The following ZNF208 variants were observed in gnomAD, a reference collection of about 807,000 sequenced individuals.
ZNF208 encodes zinc finger protein 95.
A neutral mutation model predicts 12.1 loss-of-function variants in ZNF208; 10 were observed. The ratio of observed to expected loss-of-function variants is 0.83; its 90% CI spans 0.51 to 1.40. The LOEUF (loss-of-function observed/expected upper bound fraction) is 1.40, where lower values mean the gene tolerates loss of function less well. Among genes scored for constraint, ZNF208 ranks in the 40% most tolerant of loss-of-function variants. The pLI, the probability that ZNF208 is intolerant of heterozygous loss-of-function variation, is 0.00. For missense variants in ZNF208, 1,652 were observed against 1,485.0 expected, an observed-to-expected ratio of 1.11 and a Z score of -1.85; for synonymous variants, 497 against 488.4, an observed-to-expected ratio of 1.02 and a Z score of -0.23.
At chr19:21,953,978 A>T (rs576060974) in intron 4 of ZNF208, among the ~76,000 whole-genome samples, 9 of 152,336 alleles carry the variant, frequency 5.9e-5, no homozygotes, top group Admixed American at 5.9e-4. Flanking sequence ...ATTTAGTGCT[A>T]TAAATTTCCC....
At chr19:21,980,274 T>A (rs1320803666) in intron 3 of ZNF208, among the ~76,000 whole-genome samples, 1 of 135,412 alleles carries the variant, frequency 7.4e-6, no homozygotes, top group East Asian at 2.3e-4. Flanking sequence ...GAATATACAT[T>A]CTTCTCGGCA....
At position 21,973,158 on chromosome 19, in the gene ZNF208, T is replaced by G; in HGVS notation, c.1876A>C (p.Thr626Pro). Residue 626 changes from threonine (T) to proline (P), a missense_variant, in exon 4 of 4, where the codon ACA becomes CCA. Thr to Pro is a conservative substitution (Grantham distance 38). Transcript: ENST00000397126. ...KTFSKVSTLT[T>P]HKAIHAGEKP... ...TCTCCAGCATGAATTGCCTTATGTGTAGTAAGGGTTGAGACCTTACTAAAG... is the reference window on the plus strand; with the variant it reads ...TCTCCAGCATGAATTGCCTTATGTGGAGTAAGGGTTGAGACCTTACTAAAG... The G allele has an allele frequency of 6.2e-7, 1 of 1,613,208 alleles. No individual in the cohort carries two copies. The highest frequency in any genetic ancestry group is 2.2e-5 in the East Asian group (1 of 44,722).
chr19:22,010,703 G>A (rs1971132233), intron 1 of ZNF208, 89 bp downstream of exon 1: 3 of 1,595,994 alleles, frequency 1.9e-6, no homozygotes, highest in Non-Finnish European at 1.7e-6. Context: ...AGCTGACTGC[G>A]GGGAGGCCTG....
intron 2 of ZNF208, among the ~76,000 whole-genome samples, chr19:21,987,593 A>G (rs1970650015): frequency 6.6e-6 from 1 of 152,106 alleles, no homozygotes; most frequent in Admixed American, 6.6e-5. Flanking sequence ...TCTCTTACTT[A>G]TAAACACTGT....
intron 4 of ZNF208, among the ~76,000 whole-genome samples, chr19:21,958,496 C>T (rs1345819738): frequency 1.3e-5 from 2 of 152,142 alleles, no homozygotes; most frequent in Non-Finnish European, 2.9e-5. Context: ...AAAGCCAAGC[C>T]TCATGCACCC....
chr19:21,976,010 TA>T (rs2145554506), intron 3 of ZNF208, among the ~76,000 whole-genome samples: 1 of 152,044 alleles, frequency 6.6e-6, no homozygotes, highest in African/African-American at 2.4e-5. Flanking sequence ...GAAAATAACA[TA>T]ATGTAAGAAA....
intron 4 of ZNF208, among the ~76,000 whole-genome samples, chr19:21,957,531 T>TA (rs982545976): frequency 1.9e-4 from 29 of 152,106 alleles, no homozygotes; most frequent in Non-Finnish European, 2.9e-5. Context: ...CTGTTGTGAG[T>TA]AAAAAAATGT....
intron 3 of ZNF208, among the ~76,000 whole-genome samples, chr19:21,983,167 G>GA (rs142980740): frequency 0.58 from 87,161 of 150,132 alleles, 25,378 homozygotes; most frequent in East Asian, 0.69. Context: ...AAATTTACAA[G>GA]AAAAAAAAAC....
At chr19:22,003,423 C>T (rs1282638908) in intron 1 of ZNF208, among the ~76,000 whole-genome samples, 1 of 151,446 alleles carries the variant, frequency 6.6e-6, no homozygotes, top group Non-Finnish European at 1.5e-5. Context: ...TATTTGCAAA[C>T]TATGCTTCTG....
Position 21,986,826 on chromosome 19 carries a change from A to G in ZNF208, c.226+390T>C, listed in dbSNP as rs1179250318. On this transcript the variant is annotated intron_variant, in intron 3 of 3. Transcript: ENST00000397126. Reference sequence around the variant, plus strand: ...AAAAAACCCCAAAGATACAGAAACTACTACTCTCACACATTTCAGAGATGA... The same window carrying G: ...AAAAAACCCCAAAGATACAGAAACTGCTACTCTCACACATTTCAGAGATGA... The G allele has an allele frequency of 3.6e-5, 14 of 386,192 alleles. No individual in the cohort carries two copies. In the East Asian group the frequency reaches 4.7e-4, roughly 13 times the overall value. 23.9% of individuals were successfully genotyped at this position (386,192 alleles called of 1,614,324 possible).
chr19:21,987,060 G>A, intron 3 of ZNF208, 156 bp downstream of exon 3: 1 of 659,230 alleles, frequency 1.5e-6, no homozygotes, highest in Non-Finnish European at 2.4e-6. Flanking sequence ...GACCGAAGAT[G>A]CCCCTGTGTG....
intron 1 of ZNF208, among the ~76,000 whole-genome samples, chr19:22,001,917 A>AAAAAAAAAAAAAAAAAAAAAAAAAAAAG (rs1970959917): frequency 7.2e-6 from 1 of 138,258 alleles, no homozygotes; most frequent in African/African-American, 2.7e-5. Context: ...AAAAAAAAAA[A>AAAAAAAAAAAAAAAAAAAAAAAAAAAAG]AAAAGAAAAA....
intron 3 of ZNF208, among the ~76,000 whole-genome samples, chr19:21,980,054 C>T (rs1970507496): frequency 6.6e-6 from 1 of 151,996 alleles, no homozygotes; most frequent in Non-Finnish European, 1.5e-5. Context: ...GCACCCAATA[C>T]AGGAGCACCG....
chr19:22,001,892 CAAAAAAAAAAAAAAA>C (rs58939967), intron 1 of ZNF208, among the ~76,000 whole-genome samples: 2 of 74,102 alleles, frequency 2.7e-5, no homozygotes, highest in African/African-American at 9.4e-5. Flanking sequence ...GACTCCATCC[CAAAAAAAAAAAAAAA>C]AAAAAAAAAA....
chr19:21,965,899 G>C (rs1403967052), downstream of ZNF208: 1 of 151,704 alleles, frequency 6.6e-6, no homozygotes, highest in Non-Finnish European at 1.5e-5. Context: ...AAATAATAAA[G>C]GTGTAATTTG....
chr19:21,953,813 G>GT (rs376040537), intron 4 of ZNF208, among the ~76,000 whole-genome samples: 16 of 151,690 alleles, frequency 1.1e-4, no homozygotes, highest in Admixed American at 2.6e-4. Flanking sequence ...TTTTTGAAGG[G>GT]TTTTTTGTGT....
rs376810613 is a variant in ZNF208 at position 21,975,246 on chromosome 19, C to A, written c.227-439G>T. ...TATGTCTTCTACAGCCCTTTCCACA[C>A]ACTGGTTTCTGTCTCCCATGACATA... On this transcript the variant is annotated intron_variant, in intron 3 of 3. Transcript: ENST00000397126. Among the ~76,000 whole-genome samples, 5 of 152,236 alleles carry A rather than the reference C, an allele frequency of 3.3e-5. No individual in the cohort carries two copies. In the East Asian group the frequency reaches 9.7e-4, roughly 29 times the overall value.
In ZNF208 at chr19:21,969,861, C is replaced by G. The variant is rs1240213918; in HGVS notation, c.*1330G>C. On this transcript the variant is annotated 3_prime_UTR_variant, in exon 4 of 4. Coordinates refer to ENST00000397126, the MANE Select transcript of ZNF208 (RefSeq NM_007153.3). ...TTTTAATACTTTTATTTAGTATGAACTCTCTGATGTTTAATAAGCTGTGAG... is the reference window on the plus strand; with the variant it reads ...TTTTAATACTTTTATTTAGTATGAAGTCTCTGATGTTTAATAAGCTGTGAG... Among the ~76,000 whole-genome samples the G allele has an allele frequency of 3.9e-5, 6 of 152,034 alleles. No homozygotes were observed. The highest frequency in any genetic ancestry group is 8.8e-5 in the Non-Finnish European group (6 of 68,014).
chr19:21,944,324 A>C (rs552949562), intron 4 of ZNF208, among the ~76,000 whole-genome samples: 1 of 152,342 alleles, frequency 6.6e-6, no homozygotes, highest in East Asian at 1.9e-4. Flanking sequence ...CAGTGGATTT[A>C]AAATTCAACC....
Sources: allele counts gnomAD v4.1 joint callset (sites outside exome capture counted in the v4.1 genomes callset), GRCh38; gene constraint gnomAD v4.1.1; transcripts MANE v1.5; gene names NCBI Gene and HGNC (gene_info 2026-07-23, HGNC 2026-07-21).